SDCCAG8: variants seen among roughly 807,000 people sequenced by gnomAD.
SDCCAG8 encodes the protein serologically defined colon cancer antigen 8.
SDCCAG8 carries 74 observed loss-of-function variants against 101.8 expected under a neutral mutation model. The observed-to-expected ratio is 0.73, with a 90% CI of 0.60 to 0.88. SDCCAG8 has a LOEUF of 0.88. Among genes scored for constraint, SDCCAG8 ranks in the 40% least tolerant of loss-of-function variants. The probability of loss-of-function intolerance (pLI) is 0.00; values close to 1 mark genes in which losing one functional copy is unlikely to be tolerated. For missense variants in SDCCAG8, 787 were observed against 822.6 expected (o/e 0.96, Z 0.53); for synonymous variants, 281 against 292.9 (o/e 0.96, Z 0.41).
chr1:243,331,230 A>G (rs2074569039), intron 10 of SDCCAG8, among the ~76,000 whole-genome samples: 1 of 152,268 alleles, frequency 6.6e-6, no homozygotes, highest in Admixed American at 6.5e-5. Flanking sequence ...AGGAACAGAT[A>G]ACATGAAACA....
chr1:243,412,398 C>G lies in SDCCAG8; in HGVS notation c.1617-3304C>G, dbSNP rs140701282. Among the ~76,000 whole-genome samples, 3 of 151,992 alleles carry G rather than the reference C, an allele frequency of 2.0e-5. No individual in the cohort carries two copies. The South Asian group carries it at 6.2e-4, about 32-fold the overall frequency. On this transcript the variant is annotated intron_variant, in intron 13 of 17. Transcript: ENST00000366541. ...CTAAAAAGGAAAAAACAAAAAGGCC[C>G]GTGCATAAATCTCATAATGTTTTAA...
chr1:243,305,614 AAGAC>A (rs1383249744), intron 7 of SDCCAG8: 26 of 152,268 alleles, frequency 1.7e-4, no homozygotes, highest in African/African-American at 6.3e-4. Context: ...TGAGTAGAAA[AAGAC>A]AGCAGGAATT....
At chr1:243,400,539 G>T (rs1035539305) in intron 13 of SDCCAG8, among the ~76,000 whole-genome samples, 1 of 152,188 alleles carries the variant, frequency 6.6e-6, no homozygotes, top group African/African-American at 2.4e-5. Flanking sequence ...AAATGGGGGT[G>T]TGGGGTGGGG....
chr1:243,462,642 C>A (rs924841777), intron 16 of SDCCAG8, among the ~76,000 whole-genome samples: 2 of 54,652 alleles, frequency 3.7e-5, no homozygotes, highest in Non-Finnish European at 8.5e-5. Flanking sequence ...AACAAATTTA[C>A]ATTGTATTTT....
At chr1:243,384,394 T>A (rs1443231890) in intron 13 of SDCCAG8, among the ~76,000 whole-genome samples, 1 of 152,202 alleles carries the variant, frequency 6.6e-6, no homozygotes, top group East Asian at 1.9e-4. Context: ...AAGGCTAAAA[T>A]TTTTTATTGA....
chr1:243,402,761 C>T (rs1196663222), intron 13 of SDCCAG8, among the ~76,000 whole-genome samples: 1 of 152,112 alleles, frequency 6.6e-6, no homozygotes, highest in Non-Finnish European at 1.5e-5. Context: ...ATTGTTTCTA[C>T]AAAAATGGGA....
At chr1:243,335,551 G>A (rs747330645) in intron 10 of SDCCAG8, among the ~76,000 whole-genome samples, 2 of 152,180 alleles carry the variant, frequency 1.3e-5, no homozygotes, top group Non-Finnish European at 2.9e-5. Flanking sequence ...ATATGTAACA[G>A]AACCTCTCTT....
chr1:243,259,602 C>T (rs1315342453), intron 1 of SDCCAG8, among the ~76,000 whole-genome samples: 1 of 151,950 alleles, frequency 6.6e-6, no homozygotes, highest in African/African-American at 2.4e-5. Context: ...GGCAGATCAC[C>T]TGACGTCTGG....
intron 16 of SDCCAG8, among the ~76,000 whole-genome samples, chr1:243,486,428 A>G (rs1256005629): frequency 2.0e-5 from 3 of 152,072 alleles, no homozygotes; most frequent in Non-Finnish European, 2.9e-5. Flanking sequence ...GCTCACACCC[A>G]GGCACTTGAT....
At chr1:243,343,201 A>G (rs1371449012) in intron 11 of SDCCAG8, among the ~76,000 whole-genome samples, 2 of 152,254 alleles carry the variant, frequency 1.3e-5, no homozygotes, top group Non-Finnish European at 2.9e-5. Context: ...TAAAGTTTCC[A>G]AAATCATTAT....
At chr1:243,368,408 A>G (rs2077106457) in intron 12 of SDCCAG8, among the ~76,000 whole-genome samples, 1 of 152,148 alleles carries the variant, frequency 6.6e-6, no homozygotes, top group Non-Finnish European at 1.5e-5. Flanking sequence ...ACATTATAAG[A>G]CCATCATATT....
rs186483355 is a variant in SDCCAG8 at position 243,348,862 on chromosome 1, T to C, written c.1473+4531T>C. Among the ~76,000 whole-genome samples the C allele has an allele frequency of 4.3e-3, 644 of 151,018 alleles. 7 individuals carry two copies. The highest frequency in any genetic ancestry group is 0.014 in the African/African-American group (578 of 41,086). On this transcript the variant is annotated intron_variant, in intron 12 of 17. Coordinates refer to ENST00000366541, the MANE Select transcript of SDCCAG8 (RefSeq NM_006642.5). Reference sequence around the variant, plus strand: ...TTAGCCGGACATGATGGCACATGCCTGTAATCCCAGCTACTCAGGAGGGTG... The same window carrying C: ...TTAGCCGGACATGATGGCACATGCCCGTAATCCCAGCTACTCAGGAGGGTG...
At chr1:243,444,526 C>T (rs1011759493) in intron 16 of SDCCAG8, among the ~76,000 whole-genome samples, 1 of 152,090 alleles carries the variant, frequency 6.6e-6, no homozygotes, top group Admixed American at 6.6e-5. Context: ...CACATGCTGC[C>T]ATGCCCAGCT....
Position 243,270,261 on chromosome 1 carries a change from A to G in SDCCAG8, c.220+4A>G. 6.2e-7 allele frequency: 1 copy of G among 1,613,882 alleles called. No individual in the cohort carries two copies. Among genetic ancestry groups the G allele is most frequent in the Non-Finnish European group, 8.5e-7 (1 of 1,179,858 alleles). On this transcript the variant is annotated splice_donor_region_variant and intron_variant, in intron 2 of 17. Transcript: ENST00000366541. Reference sequence around the variant, plus strand: ...GAATTACAACAGAGCCATGCTGGTGAGTGTGAATGTCAATCCTAGTCTGAA... The same window carrying G: ...GAATTACAACAGAGCCATGCTGGTGGGTGTGAATGTCAATCCTAGTCTGAA...
intron 13 of SDCCAG8, among the ~76,000 whole-genome samples, chr1:243,404,386 T>C (rs2079613363): frequency 6.6e-6 from 1 of 152,294 alleles, no homozygotes; most frequent in South Asian, 2.1e-4. Flanking sequence ...ACACAGGTTA[T>C]TGAAGCAGAG....
chr1:243,256,554 T>A (rs2149240160), intron 1 of SDCCAG8, among the ~76,000 whole-genome samples: 1 of 152,370 alleles, frequency 6.6e-6, no homozygotes, highest in Non-Finnish European at 1.5e-5. Context: ...CATACGTTGC[T>A]ATTTAATCCA....
chr1:243,285,039 C>CA (rs1452057444), intron 4 of SDCCAG8, among the ~76,000 whole-genome samples: 2 of 152,158 alleles, frequency 1.3e-5, no homozygotes, highest in African/African-American at 2.4e-5. Flanking sequence ...TGTGCCATCA[C>CA]ACCTGGCTAA....
At chr1:243,412,668 T>G (rs1273886327) in intron 13 of SDCCAG8, among the ~76,000 whole-genome samples, 1 of 152,102 alleles carries the variant, frequency 6.6e-6, no homozygotes, top group African/African-American at 2.4e-5. Flanking sequence ...ACCAAGACGA[T>G]TCTCCCAGTG....
intron 16 of SDCCAG8, among the ~76,000 whole-genome samples, chr1:243,437,040 TTC>T (rs1266146340): frequency 1.3e-5 from 2 of 152,204 alleles, no homozygotes; most frequent in Non-Finnish European, 1.5e-5. Context: ...AAAGCTGATT[TTC>T]TCTCTTTGGT....
Sources: allele counts gnomAD v4.1 joint callset (sites outside exome capture counted in the v4.1 genomes callset), GRCh38; gene constraint gnomAD v4.1.1; transcripts MANE v1.5; gene names NCBI Gene and HGNC (gene_info 2026-07-23, HGNC 2026-07-21).